Variants in KLHL18 observed in about 807,000 individuals in gnomAD.
KLHL18 encodes the protein kelch like family member 18, also known as kelch-like protein 18.
In KLHL18, 38 loss-of-function variants were observed where a neutral mutation model predicts 58.5. That is an observed-to-expected ratio of 0.65 (90% CI 0.50 to 0.85). The LOEUF (loss-of-function observed/expected upper bound fraction) is 0.85. Ranked by LOEUF, KLHL18 falls within the 40% of genes least tolerant of loss-of-function variation. The pLI is 0.00. For missense variants in KLHL18, 624 were observed against 778.4 expected (o/e 0.80, Z 2.36); for synonymous variants, 303 against 301.9 (o/e 1.00, Z -0.04).
chr3:47,319,921 C>G (rs1339039531), intron 2 of KLHL18, 138 bp downstream of exon 2: 1 of 924,218 alleles, frequency 1.1e-6, no homozygotes, highest in Non-Finnish European at 1.6e-6. Flanking sequence ...GATTAATAAG[C>G]AGATTAGAAC....
chr3:47,345,812 C>T lies in KLHL18; in HGVS notation c.*1871C>T, dbSNP rs1704214843. 6.6e-6 allele frequency: 1 copy of T among 152,616 alleles called. No homozygotes were observed. Among genetic ancestry groups the T allele is most frequent in the Non-Finnish European group, 1.5e-5 (1 of 68,034 alleles). 9.5% of individuals were successfully genotyped at this position (152,616 alleles called of 1,614,324 possible). ...CCCACCCCAGGACCGTCAGGTTTAC[C>T]AGTGTGTGCAATCGCCATGTATTCA... On this transcript the variant is annotated 3_prime_UTR_variant, in exon 10 of 10. Coordinates refer to ENST00000232766, the MANE Select transcript of KLHL18 (RefSeq NM_025010.5).
At chr3:47,315,262 C>T (rs1703393143) in intron 1 of KLHL18, among the ~76,000 whole-genome samples, 1 of 152,010 alleles carries the variant, frequency 6.6e-6, no homozygotes, top group South Asian at 2.1e-4. Flanking sequence ...ATTGGAGACA[C>T]CAAATACTGA....
intron 1 of KLHL18, among the ~76,000 whole-genome samples, chr3:47,315,791 G>A (rs1703407184): frequency 6.6e-6 from 1 of 152,104 alleles, no homozygotes; most frequent in Non-Finnish European, 1.5e-5. Context: ...AAAGCAGAGA[G>A]ATAAAGAAGA....
At position 47,343,832 on chromosome 3, in the gene KLHL18, G is replaced by A. The variant is rs1216816297; in HGVS notation, c.1616G>A (p.Ser539Asn). 6.2e-7 allele frequency: 1 copy of A among 1,614,208 alleles called. No individual in the cohort carries two copies. Among genetic ancestry groups the A allele is most frequent in the Non-Finnish European group, 8.5e-7 (1 of 1,180,044 alleles). ...GGCTACGACGGACAGTCAAACCTAA[G>A]CTCAGTGGAGATGTATGACCCAGAG... The part of the protein sequence containing the change: ...VGGYDGQSNL[S>N]SVEMYDPETD... Residue 539 changes from serine to asparagine, a missense_variant, in exon 10 of 10, where the codon AGC becomes AAC. By Grantham distance (46) the Ser-to-Asn change is conservative. Coordinates refer to ENST00000232766, the MANE Select transcript of KLHL18 (RefSeq NM_025010.5).
chr3:47,320,287 AC>A (rs1703555709), intron 2 of KLHL18, among the ~76,000 whole-genome samples: 1 of 152,210 alleles, frequency 6.6e-6, no homozygotes, highest in African/African-American at 2.4e-5. Flanking sequence ...TCGAAATACG[AC>A]TAGTGGGACT....
chr3:47,315,944 C>T (rs921149999), intron 1 of KLHL18, among the ~76,000 whole-genome samples: 1 of 152,028 alleles, frequency 6.6e-6, no homozygotes, highest in Admixed American at 6.6e-5. Context: ...AGTATAAAAA[C>T]CTACAACACA....
chr3:47,307,661 A>T (rs1703182686), intron 1 of KLHL18, among the ~76,000 whole-genome samples: 1 of 151,738 alleles, frequency 6.6e-6, no homozygotes, highest in Admixed American at 6.6e-5. Flanking sequence ...AAGTGTTGGG[A>T]TTGTAGGCGT....
intron 1 of KLHL18, among the ~76,000 whole-genome samples, chr3:47,310,991 C>T (rs1033646531): frequency 5.3e-5 from 8 of 151,928 alleles, no homozygotes; most frequent in Non-Finnish European, 1.0e-4. Flanking sequence ...CTTCCTTAGT[C>T]CTGTTCCCTG....
intron 5 of KLHL18, among the ~76,000 whole-genome samples, chr3:47,333,669 G>A (rs1039515540): frequency 7.2e-5 from 11 of 152,212 alleles, no homozygotes; most frequent in Admixed American, 2.0e-4. Flanking sequence ...ACTCAGTGGC[G>A]CAAATGGGAC....
At chr3:47,317,258 G>T (rs1230923071) in intron 1 of KLHL18, among the ~76,000 whole-genome samples, 3 of 152,072 alleles carry the variant, frequency 2.0e-5, no homozygotes, top group African/African-American at 7.2e-5. Context: ...AATTACAGGT[G>T]TCTGCCACCA....
chr3:47,300,235 A>G (rs894075336), intron 1 of KLHL18, among the ~76,000 whole-genome samples: 2 of 148,158 alleles, frequency 1.3e-5, no homozygotes, highest in East Asian at 4.0e-4. Flanking sequence ...ATTTCTCGGG[A>G]AAACCCTGAC....
At chr3:47,286,238 G>A (rs1030608559) in intron 1 of KLHL18, among the ~76,000 whole-genome samples, 2 of 152,168 alleles carry the variant, frequency 1.3e-5, no homozygotes, top group African/African-American at 4.8e-5. Context: ...TTACTTCACT[G>A]ATTTTGAAAA....
intron 7 of KLHL18, among the ~76,000 whole-genome samples, chr3:47,339,869 T>C (rs934162583): frequency 6.6e-6 from 1 of 150,854 alleles, no homozygotes. Context: ...CTGGGCAACA[T>C]AGCAAGACCC....
intron 3 of KLHL18, 28 bp downstream of exon 3, chr3:47,322,736 G>A (rs1265198005): frequency 1.7e-5 from 26 of 1,505,610 alleles, no homozygotes; most frequent in Non-Finnish European, 2.2e-5. Context: ...GCCTGGTGGA[G>A]AACATGACTA....
In KLHL18 at chr3:47,339,998, A is replaced by G. The variant is rs369420816; in HGVS notation, c.1122-574A>G. On this transcript the variant is annotated intron_variant, in intron 7 of 9. Transcript: ENST00000232766. ...ACAGGAGTTCAAGGCACAGTGAGCT[A>G]TGATGGTACCACTGCACTCTAGCCT... 5.9e-5 allele frequency among the ~76,000 whole-genome samples: 9 copies of G among 152,320 alleles called. No individual in the cohort carries two copies. The South Asian group carries it at 6.2e-4, about 11-fold the overall frequency.
chr3:47,329,211 TG>T (rs1423579270), intron 3 of KLHL18, among the ~76,000 whole-genome samples: 1 of 141,074 alleles, frequency 7.1e-6, no homozygotes, highest in Non-Finnish European at 1.6e-5. Context: ...GTGTTTTTTT[TG>T]TTGTTGTTTT....
chr3:47,312,320 A>G (rs759877361), intron 1 of KLHL18, among the ~76,000 whole-genome samples: 2 of 152,178 alleles, frequency 1.3e-5, no homozygotes, highest in Non-Finnish European at 1.5e-5. Flanking sequence ...ACCTAACTCT[A>G]ATACTTTAAA....
At position 47,334,926 on chromosome 3, in the gene KLHL18, C is replaced by A; in HGVS notation, c.898+107C>A. 8.9e-7 allele frequency: 1 copy of A among 1,120,494 alleles called. No individual in the cohort carries two copies. 69.4% of individuals were successfully genotyped at this position (1,120,494 alleles called of 1,614,324 possible). A position where few individuals can be genotyped will look rare whatever the true frequency, so the allele number is the denominator to read the frequency against. ...TGGTTTCTCTGTTTTGTACTGTCAC[C>A]ACCCTTGCCCCTCTTGATTTTATAC... On this transcript the variant is annotated intron_variant, in intron 6 of 9. Transcript: ENST00000232766. The surrounding 1 kb of genome is among the most constrained non-coding windows in gnomAD (Gnocchi z 4.7).
At chr3:47,296,212 G>A (rs958951620) in intron 1 of KLHL18, among the ~76,000 whole-genome samples, 4 of 152,160 alleles carry the variant, frequency 2.6e-5, no homozygotes, top group African/African-American at 7.2e-5. Flanking sequence ...TCCCCTTACT[G>A]GTCTGAGCAG....
Sources: gnomAD v4.1 joint callset for allele counts (sites outside exome capture counted in the v4.1 genomes callset) on GRCh38, gnomAD v4.1.1 for gene constraint, Gnocchi (gnomAD v3.1) non-coding constraint, MANE v1.5 for transcripts, NCBI Gene and HGNC (gene_info 2026-07-23, HGNC 2026-07-21) for gene names.